Variants in TRPC5 observed in about 807,000 individuals in gnomAD.
TRPC5 encodes short transient receptor potential channel 5.
TRPC5 carries 9 observed loss-of-function variants against 56.5 expected under a neutral mutation model. The ratio of observed to expected loss-of-function variants is 0.16; its 90% CI spans 0.10 to 0.28. TRPC5 has a LOEUF of 0.28. Ranked by LOEUF, TRPC5 falls within the 10% of genes least tolerant of loss-of-function variation. The pLI is 1.00. For missense variants in TRPC5, 469 were observed against 748.9 expected (o/e 0.63, Z 4.36); for synonymous variants, 282 against 278.5 (o/e 1.01, Z -0.13).
intron 1 of TRPC5, among the ~76,000 whole-genome samples, chrX:112,041,191 G>C (rs1361330115): frequency 1.8e-5 from 2 of 112,141 alleles, no homozygotes; most frequent in African/African-American, 6.5e-5. Flanking sequence ...TTTGGGGGTG[G>C]CAGGCACTGA....
chrX:112,041,269 G>A lies in TRPC5; in HGVS notation c.-22+40610C>T, dbSNP rs745523865. 4.5e-5 allele frequency among the ~76,000 whole-genome samples: 5 copies of A among 112,074 alleles called. No homozygotes were observed. The South Asian group carries it at 1.9e-3, about 42-fold the overall frequency. Reference sequence around the variant, plus strand: ...CATTTGGCACAAGAGCATAAGTGATGTCTTTTGTATAAAGAAAAGTTAATA... The same window carrying A: ...CATTTGGCACAAGAGCATAAGTGATATCTTTTGTATAAAGAAAAGTTAATA... On this transcript the variant is annotated intron_variant, in intron 1 of 10. Coordinates refer to ENST00000262839, the MANE Select transcript of TRPC5 (RefSeq NM_012471.3).
intron 3 of TRPC5, among the ~76,000 whole-genome samples, chrX:111,905,874 C>T (rs1208319527): frequency 3.1e-5 from 3 of 95,846 alleles, no homozygotes; most frequent in African/African-American, 1.2e-4. Flanking sequence ...AAGATCGTGC[C>T]ACTGCACTCC....
At chrX:111,986,007 C>A (rs1263858045) in intron 1 of TRPC5, among the ~76,000 whole-genome samples, 1 of 111,845 alleles carries the variant, frequency 8.9e-6, no homozygotes, top group Non-Finnish European at 1.9e-5. Flanking sequence ...AATGCTGAGA[C>A]TCCCCTCACA....
At chrX:111,982,553 C>A (rs1928109920) in intron 1 of TRPC5, among the ~76,000 whole-genome samples, 1 of 111,840 alleles carries the variant, frequency 8.9e-6, no homozygotes, top group Admixed American at 9.5e-5. Context: ...ACATATTCTT[C>A]CTTACCTTCA....
intron 1 of TRPC5, among the ~76,000 whole-genome samples, chrX:111,968,831 G>A (rs1343797101): frequency 1.6e-5 from 1 of 63,842 alleles, no homozygotes; most frequent in African/African-American, 6.2e-5. Context: ...GTTGTGGGGT[G>A]GGGGGAGGGG....
intron 1 of TRPC5, among the ~76,000 whole-genome samples, chrX:112,053,960 G>A (rs1413356559): frequency 3.6e-5 from 4 of 111,975 alleles, no homozygotes; most frequent in African/African-American, 1.3e-4. Context: ...ACAAATTATA[G>A]CTTTACCAAA....
intron 1 of TRPC5, among the ~76,000 whole-genome samples, chrX:112,025,066 C>T (rs897245838): frequency 1.8e-5 from 2 of 112,021 alleles, no homozygotes; most frequent in Non-Finnish European, 3.8e-5. Flanking sequence ...ACAACACAAA[C>T]CCCTTGCTTT....
At chrX:111,806,480 T>A (rs1921518504) in intron 7 of TRPC5, among the ~76,000 whole-genome samples, 1 of 112,066 alleles carries the variant, frequency 8.9e-6, no homozygotes, top group African/African-American at 3.2e-5. Flanking sequence ...GACAGAGGCC[T>A]CCCTCAGTTC....
chrX:111,846,052 C>CTGTTT (rs1198798756), intron 6 of TRPC5, among the ~76,000 whole-genome samples: 19 of 111,742 alleles, frequency 1.7e-4, no homozygotes, highest in Non-Finnish European at 3.0e-4. Flanking sequence ...CTAGATAGCA[C>CTGTTT]TGTTTTGTTT....
chrX:112,072,105 CT>C (rs1167711075), intron 1 of TRPC5, among the ~76,000 whole-genome samples: 1 of 112,074 alleles, frequency 8.9e-6, no homozygotes, highest in Non-Finnish European at 1.9e-5. Flanking sequence ...TCTAAGACTA[CT>C]AACACTCACT....
intron 2 of TRPC5, among the ~76,000 whole-genome samples, chrX:111,930,207 G>T (rs897977606): frequency 3.6e-5 from 4 of 111,196 alleles, no homozygotes; most frequent in African/African-American, 1.3e-4. Flanking sequence ...CAGCACTTTG[G>T]AAGGCTGAGG....
At chrX:111,820,403 C>T (rs1205986000) in intron 7 of TRPC5, among the ~76,000 whole-genome samples, 2 of 111,946 alleles carry the variant, frequency 1.8e-5, no homozygotes, top group Admixed American at 9.5e-5. Context: ...CTATGGCTTG[C>T]AGGCCAAATT....
chrX:111,939,860 T>C (rs1418896415), intron 2 of TRPC5, among the ~76,000 whole-genome samples: 2 of 111,853 alleles, frequency 1.8e-5, no homozygotes, highest in Admixed American at 9.5e-5. Context: ...TTCATTGACC[T>C]TTTCTATTTT....
intron 10 of TRPC5, among the ~76,000 whole-genome samples, chrX:111,777,486 G>C (rs1000900694): frequency 1.8e-4 from 20 of 109,962 alleles, no homozygotes; most frequent in African/African-American, 6.3e-4. Flanking sequence ...TCTCCAACTG[G>C]CTGCTTACAT....
At chrX:111,917,620 A>T (rs1273515622) in intron 2 of TRPC5, among the ~76,000 whole-genome samples, 1 of 112,514 alleles carries the variant, frequency 8.9e-6, no homozygotes, top group Non-Finnish European at 1.9e-5. Flanking sequence ...ATGAATCTTG[A>T]AGGAGAAGTC....
chrX:111,930,765 C>T (rs1926389787), intron 2 of TRPC5: 1 of 111,222 alleles, frequency 9.0e-6, no homozygotes, highest in Admixed American at 9.6e-5. Flanking sequence ...CCAGGATCTG[C>T]ACACCCTCAA....
intron 1 of TRPC5, among the ~76,000 whole-genome samples, chrX:112,041,696 T>C (rs1251354993): frequency 8.9e-6 from 1 of 112,047 alleles, no homozygotes; most frequent in Non-Finnish European, 1.9e-5. Flanking sequence ...TTTTTAATTT[T>C]TCATTTGCAA....
At chrX:111,793,648 C>T (rs1288943926) in intron 7 of TRPC5, among the ~76,000 whole-genome samples, 2 of 111,801 alleles carry the variant, frequency 1.8e-5, no homozygotes, top group Non-Finnish European at 3.8e-5. Context: ...ATGGTTGCTA[C>T]TCAAATTGTT....
intron 7 of TRPC5, among the ~76,000 whole-genome samples, chrX:111,798,023 G>A (rs990780781): frequency 9.0e-6 from 1 of 111,254 alleles, no homozygotes; most frequent in Non-Finnish European, 1.9e-5. Context: ...ATGAACCGCA[G>A]AGCCTAGAAA....
Sources: allele counts gnomAD v4.1 joint callset (sites outside exome capture counted in the v4.1 genomes callset), GRCh38; gene constraint gnomAD v4.1.1; transcripts MANE v1.5; gene names NCBI Gene and HGNC (gene_info 2026-07-23, HGNC 2026-07-21).